The following RAD51B variants were observed in gnomAD, a reference collection of about 807,000 sequenced individuals.
RAD51B encodes DNA repair protein RAD51 homolog 2.
In RAD51B, 38 loss-of-function variants were observed where a neutral mutation model predicts 42.2. That is an observed-to-expected ratio of 0.90 (90% CI 0.70 to 1.18). The LOEUF is 1.18. Ranked by LOEUF, RAD51B falls within the 50% of genes most tolerant of loss-of-function variation. The pLI, the probability that RAD51B is intolerant of heterozygous loss-of-function variation, is 0.00. For missense variants in RAD51B, 373 were observed against 400.7 expected, an observed-to-expected ratio of 0.93 and a Z score of 0.59; for synonymous variants, 154 against 145.2, an observed-to-expected ratio of 1.06 and a Z score of -0.43.
intron 7 of RAD51B, among the ~76,000 whole-genome samples, chr14:67,972,352 T>G (rs1038465056): frequency 3.9e-5 from 6 of 152,070 alleles, no homozygotes; most frequent in African/African-American, 9.7e-5. Context: ...CCTAAGAAGT[T>G]TAAGTTTCTT....
chr14:67,992,805 G>A (rs758964808), intron 7 of RAD51B, among the ~76,000 whole-genome samples: 4 of 151,290 alleles, frequency 2.6e-5, no homozygotes, highest in Admixed American at 1.3e-4. Context: ...TTTTATTAGT[G>A]TCAAAAACAA....
intron 7 of RAD51B, among the ~76,000 whole-genome samples, chr14:67,996,606 C>A (rs1400593468): frequency 6.6e-6 from 1 of 151,914 alleles, no homozygotes; most frequent in African/African-American, 2.4e-5. Context: ...TCCAAGGAAG[C>A]CAATAGATCT....
At chr14:68,654,769 A>G (rs1395802927) in intron 11 of RAD51B, among the ~76,000 whole-genome samples, 1 of 152,004 alleles carries the variant, frequency 6.6e-6, no homozygotes, top group Non-Finnish European at 1.5e-5. Flanking sequence ...CCTGCAAGTT[A>G]TTTTTTTCAG....
At chr14:68,540,471 A>C (rs959724226) in intron 10 of RAD51B, 14 of 985,192 alleles carry the variant, frequency 1.4e-5, no homozygotes, top group Non-Finnish European at 1.7e-5. Context: ...TTCATGTGGA[A>C]ATGAGAGACT....
intron 7 of RAD51B, among the ~76,000 whole-genome samples, chr14:68,228,005 C>T (rs1479125053): frequency 6.6e-6 from 1 of 152,126 alleles, no homozygotes; most frequent in Non-Finnish European, 1.5e-5. Context: ...GTTTTGCATA[C>T]ATTATATCTA....
chr14:67,840,293 C>T (rs1046087658), intron 4 of RAD51B, among the ~76,000 whole-genome samples: 2 of 152,240 alleles, frequency 1.3e-5, no homozygotes, highest in East Asian at 1.9e-4. Context: ...CTTCTTCCTC[C>T]TTCTAATAAT....
chr14:68,542,854 C>T (rs1054287200), intron 10 of RAD51B, among the ~76,000 whole-genome samples: 4 of 152,182 alleles, frequency 2.6e-5, no homozygotes, highest in Non-Finnish European at 5.9e-5. Context: ...TGTCCAAACT[C>T]AGCCCATCTT....
chr14:68,610,877 GTGTGTGTGTC>G (rs56173515), intron 10 of RAD51B: 43,233 of 575,562 alleles, frequency 0.075, 735 homozygotes, highest in Non-Finnish European at 0.086. Flanking sequence ...GTGTGTGTGT[GTGTGTGTGTC>G]ATCTCCCTAG....
intron 7 of RAD51B, among the ~76,000 whole-genome samples, chr14:68,065,304 T>A (rs1595348608): frequency 6.6e-6 from 1 of 152,144 alleles, no homozygotes; most frequent in South Asian, 2.1e-4. Flanking sequence ...CTACTCAGGG[T>A]CTCCTCCCTT....
chr14:68,284,446 C>CT (rs2081377853), intron 7 of RAD51B, among the ~76,000 whole-genome samples: 1 of 152,200 alleles, frequency 6.6e-6, no homozygotes. Context: ...GGACTCAACA[C>CT]TTTTAGGTAC....
Position 68,478,088 on chromosome 14 carries a change from A to G in RAD51B, c.*424A>G. The G allele has an allele frequency of 9.5e-7, 1 of 1,052,926 alleles. No homozygotes were observed. 65.2% of individuals were successfully genotyped at this position (1,052,926 alleles called of 1,614,324 possible). ...AACATTTCCGAATAAAGTATTGTCT[A>G]CCAGATAAAAAGAGTAGGTGTAAAG... On this transcript the variant is annotated 3_prime_UTR_variant, in exon 11 of 11. Coordinates refer to ENST00000471583, the MANE Select transcript of RAD51B (RefSeq NM_133510.4).
chr14:68,591,829 G>C (rs1400409425), intron 10 of RAD51B, among the ~76,000 whole-genome samples: 1 of 152,132 alleles, frequency 6.6e-6, no homozygotes, highest in Non-Finnish European at 1.5e-5. Context: ...GAGCCCCTGG[G>C]ATGTGGAAGT....
intron 10 of RAD51B, chr14:68,469,199 A>G: frequency 2.3e-6 from 1 of 431,292 alleles, no homozygotes; most frequent in Non-Finnish European, 4.9e-6. Flanking sequence ...TGAAGGATTT[A>G]TAAGTTAAAT....
chr14:68,656,773 G>T (rs1156922890), intron 11 of RAD51B, among the ~76,000 whole-genome samples: 2 of 152,160 alleles, frequency 1.3e-5, no homozygotes, highest in African/African-American at 4.8e-5. Flanking sequence ...AGCAAGGAAG[G>T]TGCAGCATGG....
chr14:68,077,249 T>G (rs1453667999), intron 7 of RAD51B, among the ~76,000 whole-genome samples: 2 of 152,196 alleles, frequency 1.3e-5, no homozygotes, highest in African/African-American at 4.8e-5. Context: ...TTAGACTGTT[T>G]GTTGTCAATT....
chr14:68,623,164 G>A (rs932807489), intron 10 of RAD51B, among the ~76,000 whole-genome samples: 11 of 152,162 alleles, frequency 7.2e-5, no homozygotes, highest in Non-Finnish European at 1.6e-4. Flanking sequence ...GCTGTTTGCT[G>A]TCAGGTTTCT....
chr14:68,177,317 GGGTGTGCATGCA>G (rs2078981115), intron 7 of RAD51B, among the ~76,000 whole-genome samples: 3 of 152,176 alleles, frequency 2.0e-5, no homozygotes, highest in African/African-American at 7.2e-5. Context: ...GCATGCACTT[GGGTGTGCATGCA>G]TGTGTGTATG....
chr14:68,283,674 G>A (rs539705006), intron 7 of RAD51B, among the ~76,000 whole-genome samples: 1 of 152,136 alleles, frequency 6.6e-6, no homozygotes, highest in Non-Finnish European at 1.5e-5. Flanking sequence ...TACAACTGCC[G>A]GCCCCATCTG....
At chr14:67,840,349 G>A (rs996012508) in intron 4 of RAD51B, among the ~76,000 whole-genome samples, 3 of 152,160 alleles carry the variant, frequency 2.0e-5, no homozygotes, top group Non-Finnish European at 2.9e-5. Context: ...TATACCCAAT[G>A]TTTAGCTCCC....
Sources: gnomAD v4.1 joint callset for allele counts (sites outside exome capture counted in the v4.1 genomes callset) on GRCh38, gnomAD v4.1.1 for gene constraint, MANE v1.5 for transcripts, NCBI Gene and HGNC (gene_info 2026-07-23, HGNC 2026-07-21) for gene names.